The following FRMD4A variants were observed in gnomAD, a reference collection of about 807,000 sequenced individuals.
FRMD4A encodes FERM domain-containing protein 4A.
FRMD4A carries 29 observed loss-of-function variants against 129.1 expected under a neutral mutation model. The ratio of observed to expected loss-of-function variants is 0.22; its 90% confidence interval spans 0.17 to 0.31. The LOEUF (loss-of-function observed/expected upper bound fraction) is 0.31, where lower values mean the gene tolerates loss of function less well. Ranked by LOEUF, FRMD4A falls within the 10% of genes least tolerant of loss-of-function variation. The pLI is 1.00. For synonymous variants in FRMD4A, 634 were observed against 571.6 expected, an observed-to-expected ratio of 1.11 and a Z score of -1.56; for missense variants, 1,272 against 1,375.8, an observed-to-expected ratio of 0.92 and a Z score of 1.19.
intron 5 of FRMD4A, among the ~76,000 whole-genome samples, chr10:13,795,607 T>C (rs994799043): frequency 2.0e-5 from 3 of 152,234 alleles, no homozygotes; most frequent in Non-Finnish European, 4.4e-5. Context: ...CAGAGTTGTA[T>C]GGCATGGGTG....
At chr10:14,137,030 G>T (rs147096303) in intron 2 of FRMD4A, among the ~76,000 whole-genome samples, 1 of 152,100 alleles carries the variant, frequency 6.6e-6, no homozygotes, top group African/African-American at 2.4e-5. Flanking sequence ...AATTATTGTC[G>T]TTTGCTGATT....
chr10:13,912,865 G>A (rs1303670254), intron 2 of FRMD4A, among the ~76,000 whole-genome samples: 5 of 151,968 alleles, frequency 3.3e-5, no homozygotes, highest in African/African-American at 1.2e-4. Flanking sequence ...CCTGAGGTCA[G>A]GAGTTCGAGA....
At chr10:13,718,226 G>A (rs2089043460) in intron 12 of FRMD4A, among the ~76,000 whole-genome samples, 1 of 152,262 alleles carries the variant, frequency 6.6e-6, no homozygotes, top group Non-Finnish European at 1.5e-5. Flanking sequence ...TGGTTGGAAG[G>A]TGCCAGGGAG....
intron 2 of FRMD4A, among the ~76,000 whole-genome samples, chr10:13,939,877 C>T (rs1205687497): frequency 6.6e-6 from 1 of 152,196 alleles, no homozygotes; most frequent in Non-Finnish European, 1.5e-5. Flanking sequence ...ACAAAGCTCA[C>T]TGTCCTGATA....
chr10:14,174,389 A>G (rs1359935847), intron 2 of FRMD4A, among the ~76,000 whole-genome samples: 1 of 152,126 alleles, frequency 6.6e-6, no homozygotes, highest in African/African-American at 2.4e-5. Context: ...TAGGTAACGC[A>G]TTTGAACCAA....
intron 2 of FRMD4A, among the ~76,000 whole-genome samples, chr10:14,312,798 G>A (rs1321139986): frequency 6.6e-6 from 1 of 152,012 alleles, no homozygotes; most frequent in Admixed American, 6.5e-5. Context: ...CCTGAGAGAT[G>A]GAGGCTGCAG....
intron 8 of FRMD4A, among the ~76,000 whole-genome samples, chr10:13,754,819 G>A (rs2091787526): frequency 6.6e-6 from 1 of 152,056 alleles, no homozygotes; most frequent in Non-Finnish European, 1.5e-5. Flanking sequence ...AGACATAACT[G>A]AGTATTTTTT....
rs373417769 is a variant in FRMD4A at position 13,973,765 on chromosome 10, G to A, written c.46-114853C>T. On this transcript the variant is annotated intron_variant, in intron 2 of 24. Coordinates refer to ENST00000357447, the MANE Select transcript of FRMD4A (RefSeq NM_018027.5). ...AAGGAAGGGAAGAAGGAAGGAGGAA[G>A]GCAGGGAGGGAGGGTGAAAGGGAGG... is the stretch of plus-strand genomic sequence containing the variant. 2.2e-3 allele frequency among the ~76,000 whole-genome samples: 326 copies of A among 151,460 alleles called. 5 individuals carry two copies. The highest frequency in any genetic ancestry group is 7.4e-3 in the African/African-American group (303 of 41,030).
chr10:14,245,014 C>A (rs1287605845), intron 2 of FRMD4A, among the ~76,000 whole-genome samples: 1 of 152,204 alleles, frequency 6.6e-6, no homozygotes, highest in Non-Finnish European at 1.5e-5. Context: ...CAGCAAAGAC[C>A]TTCTGAGCTC....
At chr10:13,797,035 C>T (rs76434030) in intron 4 of FRMD4A, among the ~76,000 whole-genome samples, 4,263 of 152,216 alleles carry the variant, frequency 0.028, 133 homozygotes, top group East Asian at 0.087. Context: ...CACCTTATTA[C>T]TAGCTTTTCA....
At chr10:14,014,842 C>T (rs983031320) in intron 2 of FRMD4A, among the ~76,000 whole-genome samples, 2 of 152,192 alleles carry the variant, frequency 1.3e-5, no homozygotes, top group African/African-American at 4.8e-5. Context: ...CCTCCTGTGC[C>T]ATTTGGAAGA....
At chr10:13,958,901 AT>A (rs1333577410) in intron 2 of FRMD4A, among the ~76,000 whole-genome samples, 1 of 152,170 alleles carries the variant, frequency 6.6e-6, no homozygotes, top group African/African-American at 2.4e-5. Flanking sequence ...GCTTTTTACA[AT>A]TATAACCAGT....
chr10:14,096,494 T>C (rs1477685170), intron 2 of FRMD4A, among the ~76,000 whole-genome samples: 1 of 152,240 alleles, frequency 6.6e-6, no homozygotes, highest in African/African-American at 2.4e-5. Flanking sequence ...GGAGCTCAGA[T>C]GTGAGTTCCT....
intron 2 of FRMD4A, among the ~76,000 whole-genome samples, chr10:14,030,758 T>TA (rs1176314033): frequency 6.6e-6 from 1 of 152,192 alleles, no homozygotes; most frequent in African/African-American, 2.4e-5. Context: ...ACTACACTCT[T>TA]AGCATCTGCC....
chr10:13,656,181 G>GAGAC (rs1414742061), intron 22 of FRMD4A, among the ~76,000 whole-genome samples: 1 of 152,186 alleles, frequency 6.6e-6, no homozygotes, highest in Non-Finnish European at 1.5e-5. Context: ...CCCATCTGGG[G>GAGAC]AGACACTGGC....
intron 8 of FRMD4A, among the ~76,000 whole-genome samples, chr10:13,753,389 C>T (rs548935115): frequency 6.6e-6 from 1 of 152,230 alleles, no homozygotes; most frequent in African/African-American, 2.4e-5. Context: ...TGTGACCATT[C>T]ACAGACAAAG....
intron 3 of FRMD4A, among the ~76,000 whole-genome samples, chr10:13,857,315 A>G (rs1185935224): frequency 1.3e-5 from 2 of 152,220 alleles, no homozygotes; most frequent in Admixed American, 1.3e-4. Context: ...CAGTATTACC[A>G]TAACTTAGAA....
At chr10:13,766,796 C>T (rs779688574) in intron 6 of FRMD4A, among the ~76,000 whole-genome samples, 6 of 152,152 alleles carry the variant, frequency 3.9e-5, no homozygotes, top group Non-Finnish European at 8.8e-5. Context: ...GAAAGCTGGC[C>T]GGGCACAGTG....
Position 13,931,951 on chromosome 10 carries a change from A to AAACCAACCAACCAACCAACCAACC in FRMD4A, c.46-73063_46-73040dup, listed in dbSNP as rs376187231. 2.7e-5 allele frequency among the ~76,000 whole-genome samples: 3 copies of AAACCAACCAACCAACCAACCAACC among 111,388 alleles called. No homozygotes were observed. In the South Asian group the frequency reaches 9.3e-4, roughly 35 times the overall value. 73.1% of individuals were successfully genotyped at this position (111,388 alleles called of 152,430 possible). ...GCAATAGAGCAAGACTCTGTCTCAAAAACCAACCAACCAACCAACCAACCA... is the reference window on the plus strand; with the variant it reads ...GCAATAGAGCAAGACTCTGTCTCAAAAACCAACCAACCAACCAACCAACCAACCAACCAACCAACCAACCAACCA... On this transcript the variant is annotated intron_variant, in intron 2 of 24. Transcript: ENST00000357447.
Sources: allele counts gnomAD v4.1 joint callset (sites outside exome capture counted in the v4.1 genomes callset), GRCh38; gene constraint gnomAD v4.1.1; transcripts MANE v1.5; gene names NCBI Gene and HGNC (gene_info 2026-07-23, HGNC 2026-07-21).